The following CDH2 variants were observed in gnomAD, a reference collection of about 807,000 sequenced individuals.
CDH2 encodes cadherin 2, also known as cadherin-2.
CDH2 carries 17 observed loss-of-function variants against 92.0 expected under a neutral mutation model. That is an observed-to-expected ratio of 0.18 (90% CI 0.13 to 0.28). The LOEUF (loss-of-function observed/expected upper bound fraction) is 0.28, where lower values mean the gene tolerates loss of function less well. CDH2 is among the 10% of genes least tolerant of loss of function. CDH2 has a pLI of 1.00. For synonymous variants in CDH2, 419 were observed against 415.9 expected, an observed-to-expected ratio of 1.01 and a Z score of -0.09; for missense variants, 862 against 1,133.1, an observed-to-expected ratio of 0.76 and a Z score of 3.44.
At chr18:28,133,947 C>G (rs1225392163) in intron 2 of CDH2, among the ~76,000 whole-genome samples, 1 of 151,868 alleles carries the variant, frequency 6.6e-6, no homozygotes. Context: ...TGGCTGGGGC[C>G]CAGCAGTTTG....
In CDH2 at chr18:27,965,990, GAAAAAAA is replaced by G. The variant is rs373927434; in HGVS notation, c.2350-2476_2350-2470del. On this transcript the variant is annotated intron_variant, in intron 14 of 15. Coordinates refer to ENST00000269141, the MANE Select transcript of CDH2 (RefSeq NM_001792.5). ...GCGACAGAAAGACTCTGTCTAAAAG[GAAAAAAA>G]AAAAAAAAAAAAAAAAAAAGATTTA... Among the ~76,000 whole-genome samples, 341 of 58,666 alleles carry G rather than the reference GAAAAAAA, an allele frequency of 5.8e-3. 1 individual carries two copies. The highest frequency in any genetic ancestry group is 0.056 in the Middle Eastern group (3 of 54). The allele number at this position is 58,666 out of a possible 152,430, so 38.5% of individuals were successfully genotyped here. A position where few individuals can be genotyped will look rare whatever the true frequency, so the allele number is the denominator to read the frequency against.
At chr18:28,075,331 C>A (rs1254247736) in intron 2 of CDH2, among the ~76,000 whole-genome samples, 1 of 152,106 alleles carries the variant, frequency 6.6e-6, no homozygotes, top group East Asian at 1.9e-4. Flanking sequence ...GTGTCCCACC[C>A]GTGTCTGAGC....
At chr18:27,958,501 TTATA>T (rs34377781) in intron 15 of CDH2, among the ~76,000 whole-genome samples, 30,151 of 150,110 alleles carry the variant, frequency 0.2, 3,866 homozygotes, top group Non-Finnish European at 0.28. Flanking sequence ...ATATACATAT[TTATA>T]TATGTATATA....
At chr18:28,168,457 A>C (rs188362464) in intron 1 of CDH2, 1 of 152,606 alleles carries the variant, frequency 6.6e-6, no homozygotes, top group African/African-American at 2.4e-5. Context: ...TGGTGGTGGA[A>C]TATCTTGCAT....
chr18:27,945,717 C>T (rs993802601), intron 6 of CDH2, among the ~76,000 whole-genome samples: 1 of 151,974 alleles, frequency 6.6e-6, no homozygotes, highest in African/African-American at 2.4e-5. Flanking sequence ...CCAGTGAGAG[C>T]CTAGTTTATT....
chr18:28,040,059 A>G (rs562336704), intron 2 of CDH2, among the ~76,000 whole-genome samples: 10 of 152,324 alleles, frequency 6.6e-5, no homozygotes, highest in Non-Finnish European at 1.2e-4. Context: ...TCGTATCTTA[A>G]AATGGTGCTA....
chr18:27,965,633 A>T (rs1038804464), intron 14 of CDH2, among the ~76,000 whole-genome samples: 1 of 152,214 alleles, frequency 6.6e-6, no homozygotes, highest in Non-Finnish European at 1.5e-5. Context: ...AATTTGAGTT[A>T]TTTACGGAAT....
At chr18:28,124,155 C>T (rs925045845) in intron 2 of CDH2, among the ~76,000 whole-genome samples, 4 of 151,912 alleles carry the variant, frequency 2.6e-5, no homozygotes, top group African/African-American at 7.3e-5. Flanking sequence ...CAGTTTCTTC[C>T]CCACCCTCAT....
intron 14 of CDH2, among the ~76,000 whole-genome samples, chr18:27,968,906 G>C (rs1229222569): frequency 6.6e-6 from 1 of 152,140 alleles, no homozygotes; most frequent in African/African-American, 2.4e-5. Flanking sequence ...AGAAATGGAA[G>C]GTGGGAGAGA....
At position 28,177,081 on chromosome 18, in the gene CDH2, C is replaced by CGGCGGCGGCGGCGGCGGA. The variant is rs1445640526; in HGVS notation, c.-60_-59insTCCGCCGCCGCCGCCGCC. The CGGCGGCGGCGGCGGCGGA allele has an allele frequency of 9.5e-6, 10 of 1,053,116 alleles. No individual in the cohort carries two copies. Among genetic ancestry groups the CGGCGGCGGCGGCGGCGGA allele is most frequent in the South Asian group, 6.6e-5 (4 of 60,956 alleles). The allele number at this position is 1,053,116 out of a possible 1,614,324, so 65.2% of individuals were successfully genotyped here. A position where few individuals can be genotyped will look rare whatever the true frequency, so the allele number is the denominator to read the frequency against. On this transcript the variant is annotated 5_prime_UTR_variant, in exon 1 of 16. Transcript: ENST00000269141. Reference sequence around the variant, plus strand: ...GAGGCGGCGGCGGCGGCGGCGGCGGCGGAGGAGGAGGAGGCAGCGGCAGCA... The same window carrying CGGCGGCGGCGGCGGCGGA: ...GAGGCGGCGGCGGCGGCGGCGGCGGCGGCGGCGGCGGCGGCGGAGGAGGAGGAGGAGGCAGCGGCAGCA...
At position 27,976,876 on chromosome 18, in the gene CDH2, T is replaced by G. The variant is rs10469052; in HGVS notation, c.2349+6068A>C. On this transcript the variant is annotated intron_variant, in intron 14 of 15. Coordinates refer to ENST00000269141, the MANE Select transcript of CDH2 (RefSeq NM_001792.5). ...CTTAAAAAGCAGAAGGCTAACAGTT[T>G]CTCTTTCCTATCCTGGGGCTGAAAG... 4.9e-3 allele frequency among the ~76,000 whole-genome samples: 745 copies of G among 152,262 alleles called. 9 individuals carry two copies. Among genetic ancestry groups the G allele is most frequent in the African/African-American group, 0.018 (727 of 41,528 alleles).
chr18:28,009,946 CT>C, intron 4 of CDH2, 74 bp from the exon 5 acceptor site: 1 of 1,166,086 alleles, frequency 8.6e-7, no homozygotes, highest in Non-Finnish European at 1.2e-6. Flanking sequence ...GCACATCACA[CT>C]TCATGCCCTT....
At chr18:28,144,595 A>G (rs1221680051) in intron 2 of CDH2, among the ~76,000 whole-genome samples, 4 of 152,070 alleles carry the variant, frequency 2.6e-5, no homozygotes, top group Admixed American at 2.0e-4. Flanking sequence ...GATCTCTAAA[A>G]AGAATCTCCA....
chr18:28,004,610 A>AG (rs755649312), intron 6 of CDH2, among the ~76,000 whole-genome samples: 2 of 152,218 alleles, frequency 1.3e-5, no homozygotes, highest in Non-Finnish European at 2.9e-5. Flanking sequence ...GAAATAATAG[A>AG]GAAAAAAAAG....
At chr18:27,938,075 C>A (rs1909058940) in intron 6 of CDH2, among the ~76,000 whole-genome samples, 1 of 151,894 alleles carries the variant, frequency 6.6e-6, no homozygotes, top group Admixed American at 6.6e-5. Context: ...ATAGTGAGTT[C>A]TTGTGAGATC....
At chr18:28,148,467 C>T (rs1157759178) in intron 1 of CDH2, among the ~76,000 whole-genome samples, 1 of 152,126 alleles carries the variant, frequency 6.6e-6, no homozygotes, top group Non-Finnish European at 1.5e-5. Flanking sequence ...ACTCAGTGTG[C>T]TTAAAACTCA....
At chr18:28,026,268 A>T (rs994310352) in intron 2 of CDH2, among the ~76,000 whole-genome samples, 7 of 152,256 alleles carry the variant, frequency 4.6e-5, no homozygotes, top group African/African-American at 1.7e-4. Context: ...ATCAAATGAG[A>T]CCACTGAAGT....
intron 1 of CDH2, among the ~76,000 whole-genome samples, chr18:28,156,372 C>A (rs1480009277): frequency 6.6e-6 from 1 of 152,170 alleles, no homozygotes; most frequent in Non-Finnish European, 1.5e-5. Flanking sequence ...GGGTCAAAAT[C>A]TGGGTCTGCA....
chr18:28,020,662 A>T (rs1252386359), intron 2 of CDH2, among the ~76,000 whole-genome samples: 2 of 152,034 alleles, frequency 1.3e-5, no homozygotes, highest in South Asian at 4.1e-4. Flanking sequence ...TTTCAAGAAG[A>T]GATGATGACA....
Sources: gnomAD v4.1 joint callset for allele counts (sites outside exome capture counted in the v4.1 genomes callset) on GRCh38, gnomAD v4.1.1 for gene constraint, MANE v1.5 for transcripts, NCBI Gene and HGNC (gene_info 2026-07-23, HGNC 2026-07-21) for gene names.